MACROD2: variants seen among roughly 807,000 people sequenced by gnomAD.
MACROD2 encodes ADP-ribose glycohydrolase MACROD2.
MACROD2 carries 36 observed loss-of-function variants against 70.4 expected under a neutral mutation model. The ratio of observed to expected loss-of-function variants is 0.51; its 90% CI spans 0.39 to 0.68. The LOEUF (loss-of-function observed/expected upper bound fraction) is 0.68. Among genes scored for constraint, MACROD2 ranks in the 30% least tolerant of loss-of-function variants. MACROD2 has a pLI of 0.00. For missense variants in MACROD2, 496 were observed against 538.4 expected (o/e 0.92, Z 0.78); for synonymous variants, 172 against 178.8 (o/e 0.96, Z 0.30).
chr20:15,969,401 G>C (rs1261009463), intron 13 of MACROD2, among the ~76,000 whole-genome samples: 1 of 152,098 alleles, frequency 6.6e-6, no homozygotes, highest in African/African-American at 2.4e-5. Flanking sequence ...GAAAATATTA[G>C]TTATGAACAC....
At chr20:15,641,426 T>G (rs2049458498) in intron 8 of MACROD2, among the ~76,000 whole-genome samples, 1 of 152,208 alleles carries the variant, frequency 6.6e-6, no homozygotes, top group South Asian at 2.1e-4. Context: ...AAAAGATTCA[T>G]GCCTCTATGG....
chr20:14,606,934 G>A (rs1982844117), intron 4 of MACROD2, among the ~76,000 whole-genome samples: 1 of 152,160 alleles, frequency 6.6e-6, no homozygotes, highest in Admixed American at 6.6e-5. Flanking sequence ...AGAAATGGAT[G>A]AGTGCACACA....
intron 3 of MACROD2, among the ~76,000 whole-genome samples, chr20:14,405,441 A>G (rs997629533): frequency 6.6e-6 from 1 of 152,166 alleles, no homozygotes; most frequent in Admixed American, 6.5e-5. Flanking sequence ...TCCTATAGGC[A>G]TCTCCAGTCT....
intron 8 of MACROD2, among the ~76,000 whole-genome samples, chr20:15,819,057 C>T (rs2063907125): frequency 1.3e-5 from 2 of 151,730 alleles, no homozygotes; most frequent in African/African-American, 4.8e-5. Flanking sequence ...GGTATATGCC[C>T]AAAGTAGATG....
At position 14,663,549 on chromosome 20, in the gene MACROD2, CACACACAT is replaced by C. The variant is rs924266347; in HGVS notation, c.302-21293_302-21286del. Among the ~76,000 whole-genome samples the C allele has an allele frequency of 6.6e-5, 10 of 150,956 alleles. No homozygotes were observed. The South Asian group carries it at 1.1e-3, about 16-fold the overall frequency. On this transcript the variant is annotated intron_variant, in intron 4 of 17. Coordinates refer to ENST00000684519, the MANE Select transcript of MACROD2 (RefSeq NM_001351661.2). ...ACACACACACACACACACACACACA[CACACACAT>C]GCACACATATATATATATAAAATGA...
intron 8 of MACROD2, among the ~76,000 whole-genome samples, chr20:15,594,894 A>G (rs763895048): frequency 2.0e-5 from 3 of 152,100 alleles, no homozygotes. Flanking sequence ...ATTTTTCTCT[A>G]TATTAGGTAA....
intron 17 of MACROD2, among the ~76,000 whole-genome samples, chr20:16,046,661 A>C (rs1249806535): frequency 2.7e-5 from 4 of 148,992 alleles, no homozygotes; most frequent in Non-Finnish European, 5.9e-5. Context: ...ACCCAAATGA[A>C]TCAGGTGTCA....
chr20:14,822,932 A>G (rs16995022), intron 5 of MACROD2, among the ~76,000 whole-genome samples: 29,357 of 151,900 alleles, frequency 0.19, 3,066 homozygotes, highest in East Asian at 0.23. Flanking sequence ...CATTTAGGCA[A>G]ATTTTCTCAG....
chr20:16,015,586 T>C (rs2066918649), intron 15 of MACROD2, among the ~76,000 whole-genome samples: 1 of 152,238 alleles, frequency 6.6e-6, no homozygotes, highest in African/African-American at 2.4e-5. Context: ...GGATATTTTA[T>C]TGGGATTAAT....
At chr20:14,735,572 G>C (rs1160749986) in intron 5 of MACROD2, among the ~76,000 whole-genome samples, 1 of 152,198 alleles carries the variant, frequency 6.6e-6, no homozygotes, top group Non-Finnish European at 1.5e-5. Flanking sequence ...AACCAGGCTG[G>C]CATGGTGGCT....
rs2065682723 is a variant in MACROD2, at chr20:15,937,488, C to T, written c.851C>T (p.Thr284Ile). ...EQSQDADGVN[T>I]VTVPGPASEE... ...TTCTGCTTTATAGATGGTGTCAACA[C>T]TGTCACTGTGCCCGGCCCTGCTTCA... The change falls in exon 12 of 18, where the codon ACT becomes ATT. Residue 284 changes from threonine (T) to isoleucine (I), a missense_variant. Physicochemically the swap from Thr to Ile is moderately conservative, Grantham distance 89 (BLOSUM62 -1). Coordinates refer to ENST00000684519, the MANE Select transcript of MACROD2 (RefSeq NM_001351661.2). The T allele has an allele frequency of 1.2e-6, 2 of 1,613,272 alleles. No individual in the cohort carries two copies. Among genetic ancestry groups the T allele is most frequent in the African/African-American group, 1.3e-5 (1 of 74,862 alleles).
At chr20:14,422,976 T>C (rs1014707634) in intron 3 of MACROD2, among the ~76,000 whole-genome samples, 3 of 152,256 alleles carry the variant, frequency 2.0e-5, no homozygotes, top group Non-Finnish European at 4.4e-5. Context: ...CCTTAGCTTT[T>C]ATCAGCCCCG....
chr20:15,265,101 T>C (rs1353031620), intron 6 of MACROD2, among the ~76,000 whole-genome samples: 2 of 152,172 alleles, frequency 1.3e-5, no homozygotes, highest in African/African-American at 2.4e-5. Flanking sequence ...AACTGTGAAA[T>C]AGGTATACTT....
rs543484696 is a variant in MACROD2 at position 15,490,605 on chromosome 20, T to C, written c.572-9169T>C. On this transcript the variant is annotated intron_variant, in intron 7 of 17. Transcript: ENST00000684519. ...ATCCAAATTAATTCTGTTGAGGTGA[T>C]CAGACCCAACACCAGGTCATGGGGG... Among the ~76,000 whole-genome samples, 3 of 152,126 alleles carry C rather than the reference T, an allele frequency of 2.0e-5. No individual in the cohort carries two copies. The South Asian group carries it at 6.2e-4, about 32-fold the overall frequency.
At position 15,088,397 on chromosome 20, in the gene MACROD2, TTATATATA is replaced by T. The variant is rs71190173; in HGVS notation, c.419-141496_419-141489del. Among the ~76,000 whole-genome samples the T allele has an allele frequency of 7.2e-3, 793 of 110,790 alleles. 9 individuals are homozygous for T. Among genetic ancestry groups the T allele is most frequent in the East Asian group, 0.023 (50 of 2,200 alleles). 72.7% of individuals were successfully genotyped at this position (110,790 alleles called of 152,430 possible). ...ACCATTAAAACATATATACTATATT[TTATATATA>T]TATATATATATATATATATATATAT... is the stretch of plus-strand genomic sequence containing the variant. On this transcript the variant is annotated intron_variant, in intron 5 of 17. Coordinates refer to ENST00000684519, the MANE Select transcript of MACROD2 (RefSeq NM_001351661.2).
intron 15 of MACROD2, among the ~76,000 whole-genome samples, chr20:15,997,558 A>G (rs915453258): frequency 6.6e-6 from 1 of 152,184 alleles, no homozygotes; most frequent in Non-Finnish European, 1.5e-5. Context: ...GAATTCGGCA[A>G]GTTTAATGAA....
At chr20:15,154,392 A>C (rs2076292401) in intron 5 of MACROD2, among the ~76,000 whole-genome samples, 1 of 152,222 alleles carries the variant, frequency 6.6e-6, no homozygotes. Context: ...TGGCTTATCC[A>C]ACTGGATGAA....
intron 3 of MACROD2, among the ~76,000 whole-genome samples, chr20:14,190,271 A>G (rs1371200640): frequency 1.3e-5 from 2 of 152,160 alleles, no homozygotes; most frequent in Non-Finnish European, 2.9e-5. Flanking sequence ...TTATTTACCA[A>G]TGAGAAGCCC....
At chr20:15,311,887 A>G (rs6079742) in intron 6 of MACROD2, among the ~76,000 whole-genome samples, 39,432 of 152,050 alleles carry the variant, frequency 0.26, 5,246 homozygotes, top group East Asian at 0.48. Flanking sequence ...GCGTCATGCA[A>G]TATACTCAGG....
Sources: gnomAD v4.1 joint callset for allele counts (sites outside exome capture counted in the v4.1 genomes callset) on GRCh38, gnomAD v4.1.1 for gene constraint, MANE v1.5 for transcripts, NCBI Gene and HGNC (gene_info 2026-07-23, HGNC 2026-07-21) for gene names.